The following GREB1L variants were observed in gnomAD, a reference collection of about 807,000 sequenced individuals.
The protein encoded by GREB1L is GREB1 like retinoic acid receptor coactivator.
Under a neutral mutation model 200.8 loss-of-function variants are expected in GREB1L, and 17 were observed. The ratio of observed to expected loss-of-function variants is 0.08; its 90% CI spans 0.06 to 0.13. The LOEUF is 0.13. GREB1L is among the 10% of genes least tolerant of loss of function. GREB1L has a pLI of 1.00. For synonymous variants in GREB1L, 789 were observed against 893.0 expected (o/e 0.88, Z 2.08); for missense variants, 1,657 against 2,367.7 (o/e 0.70, Z 6.23).
intron 1 of GREB1L, among the ~76,000 whole-genome samples, chr18:21,324,503 T>C (rs2038993949): frequency 6.6e-6 from 1 of 152,246 alleles, no homozygotes; most frequent in Non-Finnish European, 1.5e-5. Context: ...TTTTTTGTTT[T>C]AATCTTTATC....
chr18:21,512,720 C>G (rs531568661), intron 27 of GREB1L, among the ~76,000 whole-genome samples: 1 of 152,010 alleles, frequency 6.6e-6, no homozygotes, highest in Admixed American at 6.6e-5. Flanking sequence ...AAGTGGCATC[C>G]TTGTCTTGTT....
At chr18:21,464,542 C>CAAAAAA in intron 15 of GREB1L, among the ~76,000 whole-genome samples, 1 of 66,446 alleles carries the variant, frequency 1.5e-5, no homozygotes, top group Non-Finnish European at 3.5e-5. Context: ...GACACCATCT[C>CAAAAAA]AAAAAAAAAA....
intron 1 of GREB1L, among the ~76,000 whole-genome samples, chr18:21,299,051 G>T (rs2038575229): frequency 6.6e-6 from 1 of 152,110 alleles, no homozygotes; most frequent in Admixed American, 6.5e-5. Flanking sequence ...GCTGAGACGG[G>T]CAGATCACGT....
At chr18:21,466,282 GA>G (rs1456968787) in intron 15 of GREB1L, among the ~76,000 whole-genome samples, 1 of 152,114 alleles carries the variant, frequency 6.6e-6, no homozygotes, top group Non-Finnish European at 1.5e-5. Context: ...TCTGGGAATA[GA>G]ATTGTTGGAG....
chr18:21,371,466 A>ATTTT (rs5823304), intron 2 of GREB1L, among the ~76,000 whole-genome samples: 1 of 140,978 alleles, frequency 7.1e-6, no homozygotes. Context: ...CAATGATACA[A>ATTTT]TTTTTTTTTT....
chr18:21,390,411 T>C (rs1434551221), intron 4 of GREB1L, among the ~76,000 whole-genome samples: 2 of 152,206 alleles, frequency 1.3e-5, no homozygotes, highest in Admixed American at 6.5e-5. Flanking sequence ...CCTGAAGACC[T>C]TCCAGTAGGA....
chr18:21,320,125 C>T (rs1457374493), intron 1 of GREB1L, among the ~76,000 whole-genome samples: 2 of 152,128 alleles, frequency 1.3e-5, no homozygotes, highest in Non-Finnish European at 1.5e-5. Context: ...CTACATGAAT[C>T]TGCTATAAAT....
chr18:21,475,532 A>G (rs1384319260), intron 16 of GREB1L, among the ~76,000 whole-genome samples: 1 of 151,824 alleles, frequency 6.6e-6, no homozygotes, highest in Non-Finnish European at 1.5e-5. Context: ...TAATTTTTGT[A>G]TTTTTAGTAG....
intron 28 of GREB1L, among the ~76,000 whole-genome samples, chr18:21,514,934 C>T (rs947691419): frequency 2.0e-5 from 3 of 152,148 alleles, no homozygotes; most frequent in Admixed American, 2.0e-4. Flanking sequence ...AAGTCCGACA[C>T]AATAAACCCC....
chr18:21,426,960 A>AAAAAAAAAAAAACAAAAAAAAAAAAAAC, intron 7 of GREB1L, among the ~76,000 whole-genome samples: 1 of 74,762 alleles, frequency 1.3e-5, no homozygotes, highest in Non-Finnish European at 2.1e-5. Context: ...CTACGTCTCA[A>AAAAAAAAAAAAACAAAAAAAAAAAAAAC]AAAAAAAAAA....
At chr18:21,379,243 G>C (rs1372440366) in intron 2 of GREB1L, among the ~76,000 whole-genome samples, 2 of 152,280 alleles carry the variant, frequency 1.3e-5, no homozygotes, top group East Asian at 3.9e-4. Context: ...TTTCGCTCTT[G>C]TTGCCCAGGC....
intron 1 of GREB1L, among the ~76,000 whole-genome samples, chr18:21,244,053 T>G (rs2037554904): frequency 6.6e-6 from 1 of 152,210 alleles, no homozygotes. Context: ...GTGATGACCA[T>G]TAACTTGATA....
At chr18:21,304,222 A>ATAT (rs35203034) in intron 1 of GREB1L, among the ~76,000 whole-genome samples, 9,490 of 148,706 alleles carry the variant, frequency 0.064, 496 homozygotes, top group East Asian at 0.27. Context: ...AGTTAAGCCC[A>ATAT]TATTATTATT....
chr18:21,461,846 G>A (rs957014713), intron 15 of GREB1L, among the ~76,000 whole-genome samples: 3 of 152,104 alleles, frequency 2.0e-5, no homozygotes, highest in Admixed American at 6.5e-5. Flanking sequence ...ATTTTGAAAG[G>A]CAAACACAGA....
chr18:21,431,870 T>A (rs1030388007), intron 7 of GREB1L, among the ~76,000 whole-genome samples: 1 of 151,880 alleles, frequency 6.6e-6, no homozygotes, highest in South Asian at 2.1e-4. Context: ...GTGTTCTTTT[T>A]TTCATGTAGT....
At chr18:21,336,497 A>C (rs1175272911) in intron 1 of GREB1L, among the ~76,000 whole-genome samples, 25 of 152,230 alleles carry the variant, frequency 1.6e-4, no homozygotes, top group Non-Finnish European at 2.5e-4. Context: ...AGCATTGGGA[A>C]TTACATGGGA....
At chr18:21,433,769 G>A (rs1282053077) in intron 7 of GREB1L, among the ~76,000 whole-genome samples, 1 of 152,204 alleles carries the variant, frequency 6.6e-6, no homozygotes, top group Non-Finnish European at 1.5e-5. Context: ...AGCACCATTA[G>A]TAAGTATCCT....
chr18:21,403,762 C>A, intron 6 of GREB1L, 110 bp from the exon 7 acceptor site: 1 of 845,958 alleles, frequency 1.2e-6, no homozygotes, highest in Non-Finnish European at 1.8e-6. Flanking sequence ...AAAGTGGCTG[C>A]CGCTTAAGGA....
intron 1 of GREB1L, among the ~76,000 whole-genome samples, chr18:21,277,122 G>A (rs2038181495): frequency 1.3e-5 from 2 of 151,956 alleles, no homozygotes; most frequent in African/African-American, 4.8e-5. Flanking sequence ...TAGAGACGGG[G>A]TTTCATCGTG....
Sources: allele counts gnomAD v4.1 joint callset (sites outside exome capture counted in the v4.1 genomes callset), GRCh38; gene constraint gnomAD v4.1.1; transcripts MANE v1.5; gene names NCBI Gene and HGNC (gene_info 2026-07-23, HGNC 2026-07-21).